Variants in IQSEC3 observed in about 807,000 individuals in gnomAD.
IQSEC3 encodes the protein IQ motif and SEC7 domain-containing protein 3.
A neutral mutation model predicts 105.4 loss-of-function variants in IQSEC3; 50 were observed. The observed-to-expected ratio is 0.47, with a 90% CI of 0.38 to 0.60. The LOEUF is 0.60. Among genes scored for constraint, IQSEC3 ranks in the 20% least tolerant of loss-of-function variants. IQSEC3 has a pLI of 0.00. For synonymous variants in IQSEC3, 708 were observed against 746.0 expected (o/e 0.95, Z 0.83); for missense variants, 1,415 against 1,630.0 (o/e 0.87, Z 2.27).
intron 6 of IQSEC3, 69 bp downstream of exon 6, chr12:157,216 G>C (rs1489812692): frequency 1.2e-5 from 18 of 1,456,918 alleles, no homozygotes; most frequent in Non-Finnish European, 1.6e-5. Flanking sequence ...CTGTGAGCCT[G>C]GGAGACAGGA....
chr12:99,563 G>C (rs1236271949), intron 2 of IQSEC3, among the ~76,000 whole-genome samples: 2 of 152,232 alleles, frequency 1.3e-5, no homozygotes, highest in Non-Finnish European at 2.9e-5. Context: ...GGCACACAGT[G>C]GTGTGCGCTC....
intron 3 of IQSEC3, among the ~76,000 whole-genome samples, chr12:134,015 T>C (rs1173459557): frequency 6.6e-6 from 1 of 152,234 alleles, no homozygotes; most frequent in African/African-American, 2.4e-5. Flanking sequence ...AGTTACGCTG[T>C]AGCCTGGGGA....
chr12:167,082 C>G (rs1403115229), intron 11 of IQSEC3: 6 of 152,146 alleles, frequency 3.9e-5, no homozygotes, highest in African/African-American at 1.4e-4. Context: ...CAGGTAACTG[C>G]TTGGTGGGGA....
In IQSEC3 at chr12:174,872, G is replaced by A. The variant is rs746520801; in HGVS notation, c.3388G>A (p.Gly1130Ser). 1.1e-5 allele frequency: 17 copies of A among 1,577,342 alleles called. No individual in the cohort carries two copies. Among genetic ancestry groups the A allele is most frequent in the South Asian group, 1.1e-5 (1 of 87,282 alleles). The change falls in exon 14 of 14, where the codon GGC (glycine) becomes AGC (serine). Residue 1130 changes from glycine (G) to serine (S), a missense_variant. Physicochemically the swap from Gly to Ser is moderately conservative, Grantham distance 56. Coordinates refer to ENST00000538872, the MANE Select transcript of IQSEC3 (RefSeq NM_001170738.2). ...CACCTCGTCGTCCTCTGACTCCTGC[G>A]GCTCCACACCCCTGGGCGGTCCCGG... ...CYTSSSSDSC[G>S]STPLGGPGSP...
At chr12:174,484 T>C (rs1939166420) in intron 13 of IQSEC3, 115 bp from the exon 14 acceptor site, 2 of 951,384 alleles carry the variant, frequency 2.1e-6, no homozygotes, top group South Asian at 2.0e-5. Flanking sequence ...GGCGAGAGGG[T>C]CAGAGTGAGG....
At position 157,592 on chromosome 12, in the gene IQSEC3, A is replaced by G. The variant is rs1866737969; in HGVS notation, c.2341A>G (p.Ile781Val). The change falls in exon 7 of 14, where the codon ATC becomes GTC. Residue 781 changes from isoleucine (I) to valine (V), a missense_variant. By Grantham distance (29) the Ile-to-Val change is conservative (BLOSUM62 3). Coordinates refer to ENST00000538872, the MANE Select transcript of IQSEC3 (RefSeq NM_001170738.2). ...GTTCCACAACCCCGACACCATCTTC[A>G]TCCTCGCCTTCGCCATCATCCTCCT... ...QQFHNPDTIF[I>V]LAFAIILLNT... 6.2e-7 allele frequency: 1 copy of G among 1,614,092 alleles called. No homozygotes were observed. The highest frequency in any genetic ancestry group is 1.3e-5 in the African/African-American group (1 of 74,948).
chr12:172,538 AG>A (rs1163863533), intron 13 of IQSEC3, among the ~76,000 whole-genome samples: 1 of 152,118 alleles, frequency 6.6e-6, no homozygotes, highest in Non-Finnish European at 1.5e-5. Context: ...CAGCTAGCTC[AG>A]GGCCCTGCCA....
intron 1 of IQSEC3, among the ~76,000 whole-genome samples, chr12:88,495 AG>A (rs564586529): frequency 1.4e-3 from 220 of 152,328 alleles, no homozygotes; most frequent in African/African-American, 5.1e-3. Context: ...GCTCCCCCAA[AG>A]AAAAGTGAGC....
chr12:79,251 G>T (rs1200577183), intron 1 of IQSEC3, among the ~76,000 whole-genome samples: 1 of 151,854 alleles, frequency 6.6e-6, no homozygotes, highest in Non-Finnish European at 1.5e-5. Flanking sequence ...AGCTTTGGAT[G>T]GTGGCTAGGG....
intron 1 of IQSEC3, among the ~76,000 whole-genome samples, chr12:84,180 G>A (rs1378275181): frequency 1.3e-5 from 2 of 152,234 alleles, no homozygotes; most frequent in African/African-American, 2.4e-5. Flanking sequence ...TGGTGGCATC[G>A]TGCCCATATG....
intron 5 of IQSEC3, among the ~76,000 whole-genome samples, chr12:149,978 A>G (rs1866440630): frequency 6.6e-6 from 1 of 152,206 alleles, no homozygotes; most frequent in African/African-American, 2.4e-5. Context: ...ATGAGCTATG[A>G]TGCCAAGTTA....
rs4980853 is a variant in IQSEC3 at position 152,510 on chromosome 12, C to A, written c.2154-4515C>A. ...AGCAAGGAATGAGATGTGTGCAGCACGCCTGTAGGGCTGGCTGTCTAGTGT... is the reference window on the plus strand; with the variant it reads ...AGCAAGGAATGAGATGTGTGCAGCAAGCCTGTAGGGCTGGCTGTCTAGTGT... On this transcript the variant is annotated intron_variant, in intron 5 of 13. Transcript: ENST00000538872. The surrounding 1 kb of genome is among the most constrained non-coding windows in gnomAD (Gnocchi z 4.8). Among the ~76,000 whole-genome samples the A allele has an allele frequency of 0.48, 72,302 of 152,132 alleles. 17,574 individuals are homozygous for A. Among genetic ancestry groups the A allele is most frequent in the African/African-American group, 0.57 (23,788 of 41,508 alleles).
At chr12:99,328 T>C (rs1373300476) in intron 2 of IQSEC3, 114 bp downstream of exon 2, 1 of 980,120 alleles carries the variant, frequency 1.0e-6, no homozygotes, top group Non-Finnish European at 1.5e-6. Context: ...TCATGTGGGG[T>C]AATTTGTTTG....
rs781890658 is a variant in IQSEC3 at position 165,548 on chromosome 12, G to A, written c.2809+15G>A. ...TGAGAACGAGTGTAAGTCTTTGACA[G>A]CCAGTGTAAGTCTTTGAGAAGGAAT... On this transcript the variant is annotated intron_variant, in intron 10 of 13. Coordinates refer to ENST00000538872, the MANE Select transcript of IQSEC3 (RefSeq NM_001170738.2). 1.9e-6 allele frequency: 3 copies of A among 1,607,882 alleles called. No individual in the cohort carries two copies. Among genetic ancestry groups the A allele is most frequent in the East Asian group, 4.5e-5 (2 of 44,866 alleles).
chr12:142,497 G>T (rs1426939229), intron 5 of IQSEC3: 1 of 152,194 alleles, frequency 6.6e-6, no homozygotes, highest in East Asian at 1.9e-4. Flanking sequence ...ATGAGTGAGG[G>T]CTGGGGTTCG....
At chr12:131,770 G>T (rs185875837) in intron 3 of IQSEC3, among the ~76,000 whole-genome samples, 1 of 152,026 alleles carries the variant, frequency 6.6e-6, no homozygotes, top group Admixed American at 6.6e-5. Flanking sequence ...AGCATTGAGG[G>T]TGGGGAGGAA....
intron 1 of IQSEC3, among the ~76,000 whole-genome samples, chr12:69,610 G>T (rs1225405902): frequency 6.6e-6 from 1 of 152,252 alleles, no homozygotes; most frequent in Non-Finnish European, 1.5e-5. Context: ...CCCCAATCCT[G>T]CACACTCAGA....
intron 1 of IQSEC3, among the ~76,000 whole-genome samples, chr12:93,428 C>A (rs1864153218): frequency 6.6e-6 from 1 of 152,156 alleles, no homozygotes; most frequent in Admixed American, 6.5e-5. Context: ...GTCCCCTGCT[C>A]ACCTTGCCAG....
intron 2 of IQSEC3, among the ~76,000 whole-genome samples, chr12:110,392 A>G (rs1189096937): frequency 6.6e-6 from 1 of 151,752 alleles, no homozygotes; most frequent in African/African-American, 2.4e-5. Context: ...GAGCCTCTGC[A>G]GAAATGCGGA....
Sources: gnomAD v4.1 joint callset for allele counts (sites outside exome capture counted in the v4.1 genomes callset) on GRCh38, gnomAD v4.1.1 for gene constraint, Gnocchi (gnomAD v3.1) non-coding constraint, MANE v1.5 for transcripts, NCBI Gene and HGNC (gene_info 2026-07-23, HGNC 2026-07-21) for gene names.